DIAPH2: variants seen among roughly 807,000 people sequenced by gnomAD.
DIAPH2 encodes the protein diaphanous related formin 2, also known as protein diaphanous homolog 2.
Under a neutral mutation model 92.7 loss-of-function variants are expected in DIAPH2, and 35 were observed. The ratio of observed to expected loss-of-function variants is 0.38; its 90% CI spans 0.29 to 0.50. DIAPH2 has a LOEUF of 0.50. Among genes scored for constraint, DIAPH2 ranks in the 20% least tolerant of loss-of-function variants. The pLI is 0.94. For missense variants in DIAPH2, 701 were observed against 819.5 expected (o/e 0.86, Z 1.77); for synonymous variants, 301 against 280.4 (o/e 1.07, Z -0.73).
At chrX:97,121,141 C>T (rs975024117) in intron 21 of DIAPH2, among the ~76,000 whole-genome samples, 1 of 112,722 alleles carries the variant, frequency 8.9e-6, no homozygotes, top group Non-Finnish European at 1.9e-5. Flanking sequence ...CTAACCTCTT[C>T]AGTCCACAAG....
chrX:97,297,421 A>G (rs1052355314), intron 23 of DIAPH2, among the ~76,000 whole-genome samples: 1 of 109,274 alleles, frequency 9.2e-6, no homozygotes, highest in African/African-American at 3.3e-5. Context: ...TTTCTTGTAT[A>G]ATGTAGATTT....
intron 22 of DIAPH2, among the ~76,000 whole-genome samples, chrX:97,145,176 C>G (rs2067236260): frequency 9.0e-6 from 1 of 111,342 alleles, no homozygotes; most frequent in Non-Finnish European, 1.9e-5. Flanking sequence ...AGAATAATAA[C>G]AGTGAGATTA....
At chrX:97,186,951 T>A (rs958648527) in intron 22 of DIAPH2, among the ~76,000 whole-genome samples, 5 of 112,156 alleles carry the variant, frequency 4.5e-5, no homozygotes, top group African/African-American at 1.6e-4. Flanking sequence ...AGAAAAGTTA[T>A]GTCCTTTTGC....
chrX:97,140,436 T>C (rs1007954712), intron 21 of DIAPH2, among the ~76,000 whole-genome samples: 5 of 111,807 alleles, frequency 4.5e-5, no homozygotes, highest in Non-Finnish European at 9.4e-5. Context: ...TAAAAGTGTT[T>C]AGTGGATCAG....
chrX:97,566,011 G>A (rs965284473), intron 26 of DIAPH2, among the ~76,000 whole-genome samples: 3 of 111,894 alleles, frequency 2.7e-5, no homozygotes, highest in South Asian at 3.7e-4. Flanking sequence ...GTACTATGAC[G>A]TCACACCCTG....
At chrX:97,360,922 T>G (rs1402435828) in intron 24 of DIAPH2, among the ~76,000 whole-genome samples, 1 of 110,971 alleles carries the variant, frequency 9.0e-6, no homozygotes, top group Non-Finnish European at 1.9e-5. Flanking sequence ...CAGGCTGGAG[T>G]ACAGTGATGC....
intron 26 of DIAPH2, among the ~76,000 whole-genome samples, chrX:97,585,773 G>C (rs2071476020): frequency 9.0e-6 from 1 of 111,273 alleles, no homozygotes; most frequent in African/African-American, 3.3e-5. Flanking sequence ...TCTGGCTTCT[G>C]CTCCCCTTAT....
chrX:97,181,111 T>C (rs906642549), intron 22 of DIAPH2, among the ~76,000 whole-genome samples: 5 of 110,817 alleles, frequency 4.5e-5, no homozygotes, highest in African/African-American at 1.6e-4. Context: ...GCTCTGTTGC[T>C]CAGACTGGAG....
At chrX:96,927,812 A>G (rs917161852) in intron 9 of DIAPH2, among the ~76,000 whole-genome samples, 3 of 110,998 alleles carry the variant, frequency 2.7e-5, no homozygotes, top group African/African-American at 9.8e-5. Context: ...TTTATACTTT[A>G]CTGCTCAGGA....
chrX:96,974,589 C>T (rs1012372903), intron 17 of DIAPH2, among the ~76,000 whole-genome samples: 2 of 111,749 alleles, frequency 1.8e-5, no homozygotes, highest in African/African-American at 6.5e-5. Context: ...TCAAAATACT[C>T]TCTGAATTCA....
At chrX:97,245,344 C>T (rs2068132642) in intron 22 of DIAPH2, among the ~76,000 whole-genome samples, 1 of 110,007 alleles carries the variant, frequency 9.1e-6, no homozygotes, top group African/African-American at 3.3e-5. Context: ...GGCAGGGTCT[C>T]ACTCTGTCAC....
chrX:96,906,164 T>C (rs150601718), intron 5 of DIAPH2, among the ~76,000 whole-genome samples: 5,733 of 111,942 alleles, frequency 0.051, 161 homozygotes, highest in Middle Eastern at 0.13. Context: ...GTACCAAATA[T>C]TTAAATTATA....
chrX:97,274,081 G>A (rs976479834), intron 23 of DIAPH2, among the ~76,000 whole-genome samples: 2 of 105,161 alleles, frequency 1.9e-5, no homozygotes, highest in African/African-American at 3.5e-5. Flanking sequence ...ACTGGAATCC[G>A]TTTTGTTTTT....
chrX:96,941,037 C>T (rs955704606), intron 12 of DIAPH2, among the ~76,000 whole-genome samples: 3 of 110,967 alleles, frequency 2.7e-5, no homozygotes, highest in Non-Finnish European at 3.8e-5. Context: ...ACTCTAGACC[C>T]GAAGATGACT....
intron 10 of DIAPH2, 99 bp downstream of exon 10, chrX:96,930,942 T>C: frequency 1.5e-5 from 14 of 937,390 alleles, no homozygotes; most frequent in Non-Finnish European, 2.0e-5. Flanking sequence ...TGCTTTGCTA[T>C]TTTGTTTTGT....
At chrX:97,233,794 G>T (rs1342352244) in intron 22 of DIAPH2, among the ~76,000 whole-genome samples, 3 of 111,438 alleles carry the variant, frequency 2.7e-5, no homozygotes, top group Non-Finnish European at 5.6e-5. Context: ...ATTTAATTTG[G>T]GGATTTACAA....
At chrX:96,703,264 A>G (rs1290817792) in intron 1 of DIAPH2, among the ~76,000 whole-genome samples, 1 of 111,880 alleles carries the variant, frequency 8.9e-6, no homozygotes, top group African/African-American at 3.3e-5. Context: ...GCTTACAATC[A>G]TATCTTACTT....
intron 2 of DIAPH2, among the ~76,000 whole-genome samples, chrX:96,737,150 C>T (rs1324216126): frequency 9.0e-6 from 1 of 111,669 alleles, no homozygotes; most frequent in African/African-American, 3.3e-5. Flanking sequence ...AAATCACCTT[C>T]TCTGTGAAAT....
intron 17 of DIAPH2, among the ~76,000 whole-genome samples, chrX:97,011,682 G>C (rs758592565): frequency 1.8e-5 from 2 of 109,920 alleles, no homozygotes; most frequent in Non-Finnish European, 3.8e-5. Flanking sequence ...GAGGTCAGGA[G>C]TTTGAGACCA....
Sources: allele counts gnomAD v4.1 joint callset (sites outside exome capture counted in the v4.1 genomes callset), GRCh38; gene constraint gnomAD v4.1.1; transcripts MANE v1.5; gene names NCBI Gene and HGNC (gene_info 2026-07-23, HGNC 2026-07-21).